Variants in TARBP1 observed in about 807,000 individuals in gnomAD.
The protein encoded by TARBP1 is tRNA (guanosine(18)-2'-O)-methyltransferase TARBP1.
Under a neutral mutation model 178.6 loss-of-function variants are expected in TARBP1, and 144 were observed. The ratio of observed to expected loss-of-function variants is 0.81; its 90% CI spans 0.70 to 0.93. The LOEUF is 0.93. TARBP1 is among the 40% of genes least tolerant of loss of function. The probability of loss-of-function intolerance (pLI) is 0.00; values close to 1 mark genes in which losing one functional copy is unlikely to be tolerated. For synonymous variants in TARBP1, 787 were observed against 781.0 expected (o/e 1.01, Z -0.13); for missense variants, 2,067 against 2,011.7 (o/e 1.03, Z -0.53).
intron 27 of TARBP1, 71 bp from the exon 28 acceptor site, chr1:234,393,557 C>G: frequency 6.4e-7 from 1 of 1,572,976 alleles, no homozygotes; most frequent in Non-Finnish European, 8.6e-7. Context: ...CGCATACATT[C>G]CTTTGAAGCT....
intron 6 of TARBP1, among the ~76,000 whole-genome samples, chr1:234,463,332 C>G (rs1312239734): frequency 6.6e-6 from 1 of 152,088 alleles, no homozygotes; most frequent in Non-Finnish European, 1.5e-5. Flanking sequence ...CTGTGTTGGC[C>G]AGGTTGGTCT....
intron 3 of TARBP1, among the ~76,000 whole-genome samples, chr1:234,468,000 A>G (rs1038191442): frequency 7.2e-5 from 11 of 152,118 alleles, no homozygotes; most frequent in African/African-American, 2.7e-4. Context: ...GTTGGTCTCA[A>G]ACTCCTGAGT....
intron 22 of TARBP1, among the ~76,000 whole-genome samples, chr1:234,415,698 A>T (rs1431740806): frequency 6.6e-6 from 1 of 152,216 alleles, no homozygotes; most frequent in Non-Finnish European, 1.5e-5. Context: ...CACTGCAGGC[A>T]GCAGAGACAG....
Position 234,446,946 on chromosome 1 carries a change from C to G in TARBP1, c.1991G>C (p.Arg664Pro). The G allele has an allele frequency of 6.2e-7, 1 of 1,613,494 alleles. No homozygotes were observed. Among genetic ancestry groups the G allele is most frequent in the Non-Finnish European group, 8.5e-7 (1 of 1,179,698 alleles). Residue 664 changes from arginine (R) to proline (P), a missense_variant, in exon 12 of 30, where the codon CGG becomes CCG. Transcript: ENST00000040877. ...SGKQRTENVL[R>P]IFLDPLLDVL... ...ATCCAGAAGAGGGTCTAAGAATATC[C>G]GCAATACATTCTCTGTTCTCTGCTT...
At position 234,465,710 on chromosome 1, in the gene TARBP1, T is replaced by TAAAAAAAAAAAAA. The variant is rs531256921; in HGVS notation, c.1249-15_1249-3dup. The TAAAAAAAAAAAAA allele has an allele frequency of 9.3e-7, 1 of 1,079,612 alleles. No homozygotes were observed. Among genetic ancestry groups the TAAAAAAAAAAAAA allele is most frequent in the Non-Finnish European group, 1.2e-6 (1 of 829,164 alleles). 66.9% of individuals were successfully genotyped at this position (1,079,612 alleles called of 1,614,324 possible). A position where few individuals can be genotyped will look rare whatever the true frequency, so the allele number is the denominator to read the frequency against. On this transcript the variant is annotated splice_polypyrimidine_tract_variant and splice_region_variant and intron_variant, in intron 4 of 29. Coordinates refer to ENST00000040877, the MANE Select transcript of TARBP1 (RefSeq NM_005646.4). ...ATCCATTAATGGTCCAATAATAAAC[T>TAAAAAAAAAAAAA]AAAAAAAAAAAAAAAAAAAGACACG...
chr1:234,449,242 T>C (rs945495578), intron 10 of TARBP1, among the ~76,000 whole-genome samples: 3 of 152,150 alleles, frequency 2.0e-5, no homozygotes, highest in Non-Finnish European at 4.4e-5. Flanking sequence ...GTCTCTGCCC[T>C]AAAGGCAATA....
chr1:234,406,142 C>T (rs1215409144), intron 23 of TARBP1, 43 bp from the exon 24 acceptor site: 1 of 1,566,060 alleles, frequency 6.4e-7, no homozygotes, highest in African/African-American at 1.4e-5. Flanking sequence ...CAGACATGGA[C>T]CATTTTACTC....
At chr1:234,433,599 G>T (rs1018890205) in intron 13 of TARBP1, 28 bp from the exon 14 acceptor site, 4 of 1,584,172 alleles carry the variant, frequency 2.5e-6, no homozygotes, top group Middle Eastern at 1.7e-4. Context: ...ACACTTAAGG[G>T]TACAAGCAAG....
At chr1:234,430,818 C>G (rs1664358679) in intron 14 of TARBP1, among the ~76,000 whole-genome samples, 1 of 152,216 alleles carries the variant, frequency 6.6e-6, no homozygotes, top group African/African-American at 2.4e-5. Context: ...GAGCTGGACT[C>G]AGGAACCACA....
rs1317989517 is a variant in TARBP1 at position 234,479,117 on chromosome 1, G to A, written c.-14C>T. On this transcript the variant is annotated 5_prime_UTR_variant, in exon 1 of 30. Transcript: ENST00000040877. ...CACCCACTCCATTTGCCGAGCGCCC[G>A]CGCCACCGGCCCGGGCTCCCAAAGG... is the stretch of plus-strand genomic sequence containing the variant. 5.9e-6 allele frequency: 9 copies of A among 1,522,446 alleles called. No individual in the cohort carries two copies. In the South Asian group the frequency reaches 7.2e-5, roughly 12 times the overall value. The allele number at this position is 1,522,446 out of a possible 1,614,324, so 94.3% of individuals were successfully genotyped here.
At chr1:234,400,063 A>AAAC (rs1558147827) in intron 25 of TARBP1, among the ~76,000 whole-genome samples, 3 of 111,338 alleles carry the variant, frequency 2.7e-5, no homozygotes, top group Non-Finnish European at 3.9e-5. Context: ...CAAAAAAAAA[A>AAAC]CAAATACATG....
Position 234,393,229 on chromosome 1 carries a change from C to A in TARBP1, c.4560+133G>T, listed in dbSNP as rs1052345671. 8 of 934,580 alleles carry A rather than the reference C, an allele frequency of 8.6e-6. No homozygotes were observed. In the South Asian group the frequency reaches 2.5e-4, roughly 29 times the overall value. 57.9% of individuals were successfully genotyped at this position (934,580 alleles called of 1,614,324 possible). ...CACTATTATAAATTATGCAAAAGGA[C>A]TAATACACAAAGATAGAGCACTATA... is the stretch of plus-strand genomic sequence containing the variant. On this transcript the variant is annotated intron_variant, in intron 28 of 29. Coordinates refer to ENST00000040877, the MANE Select transcript of TARBP1 (RefSeq NM_005646.4).
At chr1:234,453,038 T>C (rs569417605) in intron 9 of TARBP1, among the ~76,000 whole-genome samples, 1 of 152,150 alleles carries the variant, frequency 6.6e-6, no homozygotes, top group Non-Finnish European at 1.5e-5. Context: ...AAAGATCAGC[T>C]GCCAAGGTCT....
chr1:234,478,530 C>A lies in TARBP1; in HGVS notation c.574G>T (p.Ala192Ser). 1.5e-6 allele frequency: 2 copies of A among 1,369,396 alleles called. No homozygotes were observed. The highest frequency in any genetic ancestry group is 1.9e-6 in the Non-Finnish European group (2 of 1,058,286). 84.8% of individuals were successfully genotyped at this position (1,369,396 alleles called of 1,614,324 possible). The change falls in exon 1 of 30, where the codon GCC becomes TCC. Residue 192 changes from alanine (A) to serine (S), a missense_variant. By Grantham distance (99) the Ala-to-Ser change is moderately conservative. Transcript: ENST00000040877. The stretch of plus-strand genomic sequence containing the variant: ...ACCAGCACTGGCAGCAGTCGCCCGG[C>A]CACCAGCGCCGCCGCGTCCTCGGCA... ...GPAEDAAALV[A>S]GRLLPVLVQC...
At position 234,470,168 on chromosome 1, in the gene TARBP1, G is replaced by A. The variant is rs144742838; in HGVS notation, c.1099+1020C>T. On this transcript the variant is annotated intron_variant, in intron 3 of 29. Coordinates refer to ENST00000040877, the MANE Select transcript of TARBP1 (RefSeq NM_005646.4). The stretch of plus-strand genomic sequence containing the variant: ...TGTAATCTCAGCTGCTTGGGAGGCC[G>A]AGGCAAAAAAATTGCCTGAACCCGG... Among the ~76,000 whole-genome samples the A allele has an allele frequency of 4.0e-3, 615 of 152,058 alleles. 1 individual carries two copies. Among genetic ancestry groups the A allele is most frequent in the African/African-American group, 0.014 (586 of 41,470 alleles).
At chr1:234,433,693 A>G (rs1664711610) in intron 13 of TARBP1, 122 bp from the exon 14 acceptor site, 2 of 948,958 alleles carry the variant, frequency 2.1e-6, no homozygotes, top group African/African-American at 3.3e-5. Context: ...TGAGAAAATA[A>G]GTTCTTTTCT....
chr1:234,478,552 G>A lies in TARBP1; in HGVS notation c.552C>T (p.Ala184=), dbSNP rs1239558958. Residue 184 remains alanine, a synonymous_variant, in exon 1 of 30, where the codon GCC becomes GCT. Coordinates refer to ENST00000040877, the MANE Select transcript of TARBP1 (RefSeq NM_005646.4). ...GGGDGDEAGP[A]EDAAALVAGR... is the part of the protein sequence containing the mutation. Reference sequence around the variant, plus strand: ...CGGCCACCAGCGCCGCCGCGTCCTCGGCAGGCCCGGCCTCATCCCCGTCCC... The same window carrying A: ...CGGCCACCAGCGCCGCCGCGTCCTCAGCAGGCCCGGCCTCATCCCCGTCCC... 3 of 1,344,334 alleles carry A rather than the reference G, an allele frequency of 2.2e-6. No individual in the cohort carries two copies. Among genetic ancestry groups the A allele is most frequent in the Non-Finnish European group, 2.9e-6 (3 of 1,046,796 alleles). 83.3% of individuals were successfully genotyped at this position (1,344,334 alleles called of 1,614,324 possible). A position where few individuals can be genotyped will look rare whatever the true frequency, so the allele number is the denominator to read the frequency against.
In TARBP1 at chr1:234,478,935, G is replaced by T; in HGVS notation, c.169C>A (p.Leu57Ile). Residue 57 changes from leucine (L) to isoleucine (I), a missense_variant, in exon 1 of 30, where the codon CTC becomes ATC. Transcript: ENST00000040877. Reference sequence around the variant, plus strand: ...GCCACCTCGCGCGCCGCCTCCGGGAGCGCGCCTGCGCCCCCGCTGCCGCGC... The same window carrying T: ...GCCACCTCGCGCGCCGCCTCCGGGATCGCGCCTGCGCCCCCGCTGCCGCGC... ...EARGSGGAGA[L>I]PEAAREVAAG... 1 of 1,440,978 alleles carries T rather than the reference G, an allele frequency of 6.9e-7. No homozygotes were observed. Among genetic ancestry groups the T allele is most frequent in the Non-Finnish European group, 9.0e-7 (1 of 1,106,034 alleles). 89.3% of individuals were successfully genotyped at this position (1,440,978 alleles called of 1,614,324 possible).
In TARBP1 at chr1:234,448,884, T is replaced by C. The variant is rs114518960; in HGVS notation, c.1862-305A>G. ...GAGAAAAGCATTATCAAAGAATACATAGAAAAATGCAATTATAGTGAGGGC... is the reference window on the plus strand; with the variant it reads ...GAGAAAAGCATTATCAAAGAATACACAGAAAAATGCAATTATAGTGAGGGC... On this transcript the variant is annotated intron_variant, in intron 10 of 29. Coordinates refer to ENST00000040877, the MANE Select transcript of TARBP1 (RefSeq NM_005646.4). 7.1e-3 allele frequency among the ~76,000 whole-genome samples: 1,079 copies of C among 152,142 alleles called. 12 individuals carry two copies. Among genetic ancestry groups the C allele is most frequent in the African/African-American group, 0.025 (1,034 of 41,514 alleles).
Sources: gnomAD v4.1 joint callset for allele counts (sites outside exome capture counted in the v4.1 genomes callset) on GRCh38, gnomAD v4.1.1 for gene constraint, MANE v1.5 for transcripts, NCBI Gene and HGNC (gene_info 2026-07-23, HGNC 2026-07-21) for gene names.